Variants in SORL1 observed in about 807,000 individuals in gnomAD.
SORL1 encodes the protein sortilin related receptor 1, also known as sortilin-related receptor.
Under a neutral mutation model 273.7 loss-of-function variants are expected in SORL1, and 127 were observed. The ratio of observed to expected loss-of-function variants is 0.46; its 90% CI spans 0.40 to 0.54. The LOEUF is 0.54. SORL1 is among the 20% of genes least tolerant of loss of function. SORL1 has a pLI of 0.00. For missense variants in SORL1, 2,494 were observed against 2,846.1 expected (o/e 0.88, Z 2.81); for synonymous variants, 1,031 against 1,067.4 (o/e 0.97, Z 0.66).
At chr11:121,577,541 G>C in intron 25 of SORL1, 141 bp downstream of exon 25, 5 of 938,578 alleles carry the variant, frequency 5.3e-6, no homozygotes, top group Non-Finnish European at 6.1e-6. Context: ...TTCTCAAAGA[G>C]CTGGTCTTTG....
intron 5 of SORL1, among the ~76,000 whole-genome samples, chr11:121,491,951 A>G: frequency 6.6e-6 from 1 of 152,210 alleles, no homozygotes. Flanking sequence ...TCTGCCTAAA[A>G]TGCTGTTACC....
At chr11:121,523,504 A>T (rs985898065) in intron 11 of SORL1, among the ~76,000 whole-genome samples, 4 of 152,126 alleles carry the variant, frequency 2.6e-5, no homozygotes, top group Non-Finnish European at 5.9e-5. Context: ...TTAAGGTTGT[A>T]TAACTAATAT....
intron 22 of SORL1, among the ~76,000 whole-genome samples, chr11:121,569,551 A>T (rs905311337): frequency 5.3e-5 from 8 of 152,164 alleles, no homozygotes; most frequent in Non-Finnish European, 1.5e-5. Flanking sequence ...AGCTGTAGGG[A>T]TGAAATAAAC....
intron 3 of SORL1, among the ~76,000 whole-genome samples, chr11:121,486,468 G>A (rs889438581): frequency 1.3e-5 from 2 of 150,442 alleles, no homozygotes; most frequent in African/African-American, 4.9e-5. Flanking sequence ...GTGAGACTCT[G>A]TTTCTTTCTT....
In SORL1 at chr11:121,608,423, C is replaced by T. The variant is rs577139965; in HGVS notation, c.5239+247C>T. On this transcript the variant is annotated intron_variant, in intron 38 of 47. Transcript: ENST00000260197. ...CTAATGCAGACATACAAAGGGATTT[C>T]CAAAGGCCATCATGCGCAGCCCTTT... is the stretch of plus-strand genomic sequence containing the variant. The T allele has an allele frequency of 2.1e-5, 10 of 468,184 alleles. No individual in the cohort carries two copies. In the South Asian group the frequency reaches 2.7e-4, roughly 13 times the overall value. 29.0% of individuals were successfully genotyped at this position (468,184 alleles called of 1,614,324 possible).
chr11:121,493,546 C>T (rs192277943), intron 5 of SORL1, among the ~76,000 whole-genome samples: 39 of 152,276 alleles, frequency 2.6e-4, no homozygotes, highest in African/African-American at 9.4e-4. Flanking sequence ...TGTGAGCCAC[C>T]GTGCCTGATC....
At chr11:121,605,873 G>C (rs894748834) in intron 35 of SORL1, among the ~76,000 whole-genome samples, 2 of 152,102 alleles carry the variant, frequency 1.3e-5, no homozygotes, top group Admixed American at 1.3e-4. Context: ...TGGTACTTAG[G>C]AGGAGGTCAT....
intron 25 of SORL1, among the ~76,000 whole-genome samples, chr11:121,583,231 G>A (rs1863037648): frequency 6.6e-6 from 1 of 152,158 alleles, no homozygotes; most frequent in South Asian, 2.1e-4. Flanking sequence ...TCTGTCCCTG[G>A]GCAATGGCCT....
At chr11:121,552,811 A>T (rs143214280) in intron 16 of SORL1, among the ~76,000 whole-genome samples, 1 of 152,356 alleles carries the variant, frequency 6.6e-6, no homozygotes, top group Non-Finnish European at 1.5e-5. Flanking sequence ...GTGGGCAGGA[A>T]TGGCTAACCC....
intron 3 of SORL1, among the ~76,000 whole-genome samples, chr11:121,483,026 A>G (rs1353831165): frequency 6.6e-6 from 1 of 152,236 alleles, no homozygotes; most frequent in Non-Finnish European, 1.5e-5. Flanking sequence ...AGTTCTGCCA[A>G]CATTGTGGGG....
At chr11:121,567,566 C>T (rs1325086022) in intron 22 of SORL1, among the ~76,000 whole-genome samples, 1 of 152,230 alleles carries the variant, frequency 6.6e-6, no homozygotes, top group African/African-American at 2.4e-5. Flanking sequence ...TCCATCCTCT[C>T]ACCGTAGCCT....
At position 121,586,346 on chromosome 11, in the gene SORL1, C is replaced by T. The variant is rs758823298; in HGVS notation, c.3814+17C>T. The stretch of plus-strand genomic sequence containing the variant: ...AGCACTGCGGTGAGTTCATTCCTTG[C>T]CCCCAGGAAGCACTCAGGCCTAGTG... On this transcript the variant is annotated intron_variant, in intron 27 of 47. Transcript: ENST00000260197. 9.5e-6 allele frequency: 15 copies of T among 1,584,332 alleles called. No homozygotes were observed. Among genetic ancestry groups the T allele is most frequent in the African/African-American group, 1.3e-5 (1 of 74,294 alleles).
chr11:121,620,866 C>A (rs867557085), intron 43 of SORL1, among the ~76,000 whole-genome samples, 198 bp from the exon 44 acceptor site: 1 of 152,220 alleles, frequency 6.6e-6, no homozygotes, highest in Non-Finnish European at 1.5e-5. Flanking sequence ...ATGTGCAATT[C>A]TATGAGTGAA....
At position 121,633,105 on chromosome 11, in the gene SORL1, C is replaced by A. The variant is rs1308707859; in HGVS notation, c.*3542C>A. On this transcript the variant is annotated 3_prime_UTR_variant, in exon 48 of 48. Coordinates refer to ENST00000260197, the MANE Select transcript of SORL1 (RefSeq NM_003105.6). Reference sequence around the variant, plus strand: ...AGCCAGTGCATTAAGTTTATATAGACTACTTTCTATGCAAGACTGAGATAT... The same window carrying A: ...AGCCAGTGCATTAAGTTTATATAGAATACTTTCTATGCAAGACTGAGATAT... 1 of 152,106 alleles carries A rather than the reference C, an allele frequency of 6.6e-6. No individual in the cohort carries two copies. The highest frequency in any genetic ancestry group is 1.5e-5 in the Non-Finnish European group (1 of 68,028). The allele number at this position is 152,106 out of a possible 1,614,324, so 9.4% of individuals were successfully genotyped here.
At chr11:121,496,384 A>G (rs1266118107) in intron 5 of SORL1, among the ~76,000 whole-genome samples, 1 of 152,194 alleles carries the variant, frequency 6.6e-6, no homozygotes, top group Admixed American at 6.5e-5. Flanking sequence ...TGACATTGGT[A>G]GGGGACAGGG....
intron 12 of SORL1, 100 bp from the exon 13 acceptor site, chr11:121,543,448 A>C: frequency 1.1e-6 from 1 of 930,158 alleles, no homozygotes; most frequent in Non-Finnish European, 1.6e-6. Context: ...CCATTTCTCC[A>C]AGGAGCCCTG....
chr11:121,465,138 C>G (rs1041266141), intron 1 of SORL1, among the ~76,000 whole-genome samples: 1 of 152,146 alleles, frequency 6.6e-6, no homozygotes, highest in African/African-American at 2.4e-5. Context: ...TGAAATAAAA[C>G]CCCTTACCCA....
intron 16 of SORL1, among the ~76,000 whole-genome samples, chr11:121,552,726 G>C (rs1342506171): frequency 1.3e-5 from 2 of 152,200 alleles, no homozygotes; most frequent in Non-Finnish European, 2.9e-5. Flanking sequence ...ATTTTTTGAT[G>C]CATTATCTAT....
In SORL1 at chr11:121,478,313, G is replaced by A; in HGVS notation, c.528+70G>A. 11 of 1,534,752 alleles carry A rather than the reference G, an allele frequency of 7.2e-6. No individual in the cohort carries two copies. The South Asian group carries it at 8.2e-5, about 11-fold the overall frequency. The stretch of plus-strand genomic sequence containing the variant: ...GTTTTGGAAAGATTGCCGCACTTAA[G>A]GGGGTGCTAGGAGATGGCGCTCTCT... On this transcript the variant is annotated intron_variant, in intron 3 of 47. Transcript: ENST00000260197.
Sources: gnomAD v4.1 joint callset for allele counts (sites outside exome capture counted in the v4.1 genomes callset) on GRCh38, gnomAD v4.1.1 for gene constraint, MANE v1.5 for transcripts, NCBI Gene and HGNC (gene_info 2026-07-23, HGNC 2026-07-21) for gene names.